Variants in PSMA2 observed in about 807,000 individuals in gnomAD.
PSMA2 encodes the protein proteasome 20S subunit alpha 2.
In PSMA2, 2 loss-of-function variants were observed where a neutral mutation model predicts 35.9. The observed-to-expected ratio is 0.06, with a 90% confidence interval of 0.02 to 0.18. PSMA2 has a LOEUF of 0.18. PSMA2 is among the 10% of genes least tolerant of loss of function. The pLI, the probability that PSMA2 is intolerant of heterozygous loss-of-function variation, is 1.00. For missense variants in PSMA2, 126 were observed against 278.8 expected (o/e 0.45, Z 3.90); for synonymous variants, 97 against 98.2 (o/e 0.99, Z 0.07).
Position 42,919,066 on chromosome 7 carries a change from C to T in PSMA2, c.531-1231G>A, listed in dbSNP as rs1038745268. 1.3e-5 allele frequency: 4 copies of T among 301,786 alleles called. No homozygotes were observed. In the Admixed American group the frequency reaches 1.6e-4, roughly 12 times the overall value. 18.7% of individuals were successfully genotyped at this position (301,786 alleles called of 1,614,324 possible). A position where few individuals can be genotyped will look rare whatever the true frequency, so the allele number is the denominator to read the frequency against. On this transcript the variant is annotated intron_variant, in intron 6 of 7. Transcript: ENST00000223321. ...CTCGAACTTCTGACCTCAGGTGATC[C>T]GCCTGCCTTGGCCTCCCAAAGTGCT...
At chr7:42,930,803 C>T (rs1786293211) in intron 1 of PSMA2, among the ~76,000 whole-genome samples, 1 of 151,854 alleles carries the variant, frequency 6.6e-6, no homozygotes, top group Admixed American at 6.6e-5. Flanking sequence ...GAGCTGGAGG[C>T]TGCCAAGTCC....
In PSMA2 at chr7:42,920,145, AG is replaced by A. The variant is rs1198600166; in HGVS notation, c.530+1712del. 12 of 393,406 alleles carry A rather than the reference AG, an allele frequency of 3.1e-5. No homozygotes were observed. The Admixed American group carries it at 4.3e-4, about 14-fold the overall frequency. The allele number at this position is 393,406 out of a possible 1,614,324, so 24.4% of individuals were successfully genotyped here. A position where few individuals can be genotyped will look rare whatever the true frequency, so the allele number is the denominator to read the frequency against. On this transcript the variant is annotated intron_variant, in intron 6 of 7. Transcript: ENST00000223321. Reference sequence around the variant, plus strand: ...CAACTGGACTAGAACGAGCAAGCAGAGAAAAGCATCAGCCTTCCAGAGTTAC... The same window carrying A: ...CAACTGGACTAGAACGAGCAAGCAGAAAAAGCATCAGCCTTCCAGAGTTAC...
intron 1 of PSMA2, among the ~76,000 whole-genome samples, chr7:42,930,939 T>A (rs1786297790): frequency 6.6e-6 from 1 of 152,334 alleles, no homozygotes; most frequent in East Asian, 1.9e-4. Context: ...ATTAATCTCG[T>A]TCAAAGGTTA....
Position 42,924,658 on chromosome 7 carries a change from T to C in PSMA2, c.374+17A>G, listed in dbSNP as rs760881945. ...CCTACAATTCATGGCACATTTCAAG[T>C]AAAAAAAGCAACTTACCCTGACTGA... On this transcript the variant is annotated intron_variant, in intron 4 of 7. Transcript: ENST00000223321. 1 of 1,602,858 alleles carries C rather than the reference T, an allele frequency of 6.2e-7. No homozygotes were observed. The highest frequency in any genetic ancestry group is 1.3e-5 in the African/African-American group (1 of 74,390).
chr7:42,932,168 A>T lies in PSMA2; in HGVS notation c.-10T>A, dbSNP rs1433966968. 2 of 1,614,044 alleles carry T rather than the reference A, an allele frequency of 1.2e-6. No individual in the cohort carries two copies. Among genetic ancestry groups the T allele is most frequent in the Non-Finnish European group, 1.7e-6 (2 of 1,179,990 alleles). ...ACCCGCGCTCCGCCATCTTTACCCGAAGAGCCAAAGCACAGCCGCACACAT... is the reference window on the plus strand; with the variant it reads ...ACCCGCGCTCCGCCATCTTTACCCGTAGAGCCAAAGCACAGCCGCACACAT... On this transcript the variant is annotated 5_prime_UTR_variant, in exon 1 of 8. Coordinates refer to ENST00000223321, the MANE Select transcript of PSMA2 (RefSeq NM_002787.5).
chr7:42,927,314 A>T, intron 2 of PSMA2, 69 bp downstream of exon 2: 2 of 1,344,938 alleles, frequency 1.5e-6, no homozygotes, highest in Non-Finnish European at 2.1e-6. Context: ...TAAATTAATT[A>T]CTAATGAATT....
At position 42,917,490 on chromosome 7, in the gene PSMA2, A is replaced by G; in HGVS notation, c.*84T>C. On this transcript the variant is annotated 3_prime_UTR_variant, in exon 8 of 8. Coordinates refer to ENST00000223321, the MANE Select transcript of PSMA2 (RefSeq NM_002787.5). ...TAAACCATGTAGAAATAAGTATGCA[A>G]AAAGTCTGCAAAACAAAACATACTT... 1 of 1,056,618 alleles carries G rather than the reference A, an allele frequency of 9.5e-7. No individual in the cohort carries two copies. The highest frequency in any genetic ancestry group is 1.6e-5 in the African/African-American group (1 of 63,288). 65.5% of individuals were successfully genotyped at this position (1,056,618 alleles called of 1,614,324 possible). A position where few individuals can be genotyped will look rare whatever the true frequency, so the allele number is the denominator to read the frequency against.
At position 42,917,600 on chromosome 7, in the gene PSMA2, T is replaced by C. The variant is rs1786052301; in HGVS notation, c.679A>G (p.Lys227Glu). Reference sequence around the variant, plus strand: ...TATGCTATGGCAGCCAAGTAATCCTTAACTTCAGTTGGAGTAAGCCTCCTA... The same window carrying C: ...TATGCTATGGCAGCCAAGTAATCCTCAACTTCAGTTGGAGTAAGCCTCCTA... ...GFRRLTPTEV[K>E]DYLAAIA The change falls in exon 8 of 8, where the codon AAG becomes GAG. Residue 227 changes from lysine to glutamate, a missense_variant. Physicochemically the swap from Lys to Glu is moderately conservative, Grantham distance 56. Transcript: ENST00000223321. The C allele has an allele frequency of 6.2e-7, 1 of 1,612,600 alleles. No homozygotes were observed. The highest frequency in any genetic ancestry group is 8.5e-7 in the Non-Finnish European group (1 of 1,179,834).
At chr7:42,919,211 T>C (rs978604069) in intron 6 of PSMA2, 13 of 608,738 alleles carry the variant, frequency 2.1e-5, no homozygotes, top group Non-Finnish European at 3.5e-5. Flanking sequence ...ATTGGAACAA[T>C]TTTGGGTCAT....
At chr7:42,928,363 G>A (rs1351432301) in intron 1 of PSMA2, among the ~76,000 whole-genome samples, 2 of 152,166 alleles carry the variant, frequency 1.3e-5, no homozygotes, top group African/African-American at 2.4e-5. Context: ...ATTTCAGGTC[G>A]GAGGGTGGTT....
intron 6 of PSMA2, chr7:42,918,652 G>A (rs913125096): frequency 1.3e-5 from 2 of 152,582 alleles, no homozygotes; most frequent in Non-Finnish European, 2.9e-5. Flanking sequence ...TTAGGGTGAA[G>A]CCTGGAGGAA....
chr7:42,921,713 G>T (rs1786131758), intron 6 of PSMA2, 145 bp downstream of exon 6: 1 of 486,024 alleles, frequency 2.1e-6, no homozygotes, highest in African/African-American at 2.0e-5. Context: ...AGAAGGGAGA[G>T]AAGTTTTTGG....
chr7:42,921,728 T>C (rs1786132040), intron 6 of PSMA2, 130 bp downstream of exon 6: 1 of 591,256 alleles, frequency 1.7e-6, no homozygotes, highest in Admixed American at 3.3e-5. Flanking sequence ...TTTTGGTTTA[T>C]CTGTAACTAG....
At chr7:42,922,835 T>C (rs1393432493) in intron 5 of PSMA2, among the ~76,000 whole-genome samples, 1 of 152,178 alleles carries the variant, frequency 6.6e-6, no homozygotes, top group African/African-American at 2.4e-5. Context: ...ACAAACACCT[T>C]CTATTCAGAT....
rs1376309232 is a variant in PSMA2, at chr7:42,917,799, A to G, written c.567T>C (p.His189=). 7.5e-6 allele frequency: 12 copies of G among 1,609,642 alleles called. No homozygotes were observed. The highest frequency in any genetic ancestry group is 1.0e-5 in the Non-Finnish European group (12 of 1,177,222). ...TAACCTTTAGGGTTAAGATGGCTGT[A>G]TGAATGGCATCTTCAAGTTCCAGAT... is the stretch of plus-strand genomic sequence containing the variant. ...NEDLELEDAI[H]TAILTLKESF... is the part of the protein sequence containing the mutation. Residue 189 remains histidine, a synonymous_variant, in exon 7 of 8, where the codon CAT becomes CAC. Coordinates refer to ENST00000223321, the MANE Select transcript of PSMA2 (RefSeq NM_002787.5).
At chr7:42,919,948 T>C in intron 6 of PSMA2, 1 of 750,680 alleles carries the variant, frequency 1.3e-6, no homozygotes, top group African/African-American at 1.7e-5. Flanking sequence ...ATATGGCCTT[T>C]GGAAATGTGT....
At chr7:42,921,226 G>A (rs1419873166) in intron 6 of PSMA2, 1 of 152,120 alleles carries the variant, frequency 6.6e-6, no homozygotes, top group Non-Finnish European at 1.5e-5. Flanking sequence ...CTGTATACAG[G>A]TATCAAAATA....
chr7:42,922,967 C>T lies in PSMA2; in HGVS notation c.456+358G>A, dbSNP rs3801395. Among the ~76,000 whole-genome samples, 16 of 152,290 alleles carry T rather than the reference C, an allele frequency of 1.1e-4. No individual in the cohort carries two copies. The East Asian group carries it at 3.1e-3, about 29-fold the overall frequency. On this transcript the variant is annotated intron_variant, in intron 5 of 7. Transcript: ENST00000223321. ...CTGGAAAACTCACTCAAGTCAGCCC[C>T]AAGATTCAACTGATGGCAAACACTA... is the stretch of plus-strand genomic sequence containing the variant.
In PSMA2 at chr7:42,921,840, T is replaced by C. The variant is rs1053480247; in HGVS notation, c.530+18A>G. The C allele has an allele frequency of 6.2e-7, 1 of 1,600,882 alleles. No individual in the cohort carries two copies. Among genetic ancestry groups the C allele is most frequent in the Non-Finnish European group, 8.5e-7 (1 of 1,171,514 alleles). Reference sequence around the variant, plus strand: ...AAGTGAGTTTGCTAAAGAATGCAGTTACAATGAGTAGGCCTACCTTTTCTC... The same window carrying C: ...AAGTGAGTTTGCTAAAGAATGCAGTCACAATGAGTAGGCCTACCTTTTCTC... On this transcript the variant is annotated intron_variant, in intron 6 of 7. Coordinates refer to ENST00000223321, the MANE Select transcript of PSMA2 (RefSeq NM_002787.5).
Sources: gnomAD v4.1 joint callset for allele counts (sites outside exome capture counted in the v4.1 genomes callset) on GRCh38, gnomAD v4.1.1 for gene constraint, MANE v1.5 for transcripts, NCBI Gene and HGNC (gene_info 2026-07-23, HGNC 2026-07-21) for gene names.